Variants in EXOC4 observed in about 807,000 individuals in gnomAD.
EXOC4 encodes the protein exocyst complex component 4.
EXOC4 carries 71 observed loss-of-function variants against 107.2 expected under a neutral mutation model. The observed-to-expected ratio is 0.66, with a 90% CI of 0.55 to 0.81. EXOC4 has a LOEUF of 0.81. EXOC4 is among the 30% of genes least tolerant of loss of function. The pLI, the probability that EXOC4 is intolerant of heterozygous loss-of-function variation, is 0.00. For synonymous variants in EXOC4, 456 were observed against 441.2 expected, an observed-to-expected ratio of 1.03 and a Z score of -0.42; for missense variants, 1,108 against 1,189.6, an observed-to-expected ratio of 0.93 and a Z score of 1.01.
chr7:133,383,412 C>G lies in EXOC4; in HGVS notation c.1182+8410C>G, dbSNP rs544554449. 2.0e-5 allele frequency among the ~76,000 whole-genome samples: 3 copies of G among 152,290 alleles called. No individual in the cohort carries two copies. The South Asian group carries it at 6.2e-4, about 32-fold the overall frequency. On this transcript the variant is annotated intron_variant, in intron 7 of 17. Coordinates refer to ENST00000253861, the MANE Select transcript of EXOC4 (RefSeq NM_021807.4). ...TTATACTGTTTACCACTAGCAGTGA[C>G]ACCTAGAACAAGTCACTTTACTTTT...
chr7:133,476,644 GA>G (rs1799020568), intron 8 of EXOC4, among the ~76,000 whole-genome samples: 1 of 152,190 alleles, frequency 6.6e-6, no homozygotes, highest in Non-Finnish European at 1.5e-5. Flanking sequence ...TGCCAGAAAT[GA>G]AATCTATTCT....
At chr7:133,642,955 C>A (rs1802895882) in intron 10 of EXOC4, among the ~76,000 whole-genome samples, 1 of 152,178 alleles carries the variant, frequency 6.6e-6, no homozygotes, top group South Asian at 2.1e-4. Context: ...GCGCATGTAT[C>A]CCCTTTTCTT....
chr7:133,825,982 T>G (rs1797693605), intron 11 of EXOC4, among the ~76,000 whole-genome samples: 2 of 152,226 alleles, frequency 1.3e-5, no homozygotes, highest in Admixed American at 6.5e-5. Context: ...AACTTATCAC[T>G]CATAGTTTTG....
intron 5 of EXOC4, among the ~76,000 whole-genome samples, chr7:133,318,486 C>T (rs1014755148): frequency 7.2e-5 from 11 of 152,158 alleles, no homozygotes; most frequent in Admixed American, 2.0e-4. Flanking sequence ...CTTCTTGTGG[C>T]AGCCAAAATC....
At chr7:134,002,361 C>T (rs1794549116) in intron 15 of EXOC4, among the ~76,000 whole-genome samples, 1 of 152,090 alleles carries the variant, frequency 6.6e-6, no homozygotes, top group African/African-American at 2.4e-5. Context: ...AAATCTAAAA[C>T]TCTAAAACTT....
At chr7:133,789,429 T>A (rs1796658170) in intron 10 of EXOC4, among the ~76,000 whole-genome samples, 2 of 152,226 alleles carry the variant, frequency 1.3e-5, no homozygotes, top group African/African-American at 4.8e-5. Flanking sequence ...TTGCTTTCGA[T>A]GACTTGTGCA....
chr7:133,535,532 A>G (rs1318877710), intron 9 of EXOC4, among the ~76,000 whole-genome samples: 1 of 152,208 alleles, frequency 6.6e-6, no homozygotes, highest in Admixed American at 6.5e-5. Flanking sequence ...CAAGGATGGC[A>G]TCACAGTGTC....
intron 14 of EXOC4, among the ~76,000 whole-genome samples, chr7:133,988,365 T>G (rs1278080170): frequency 1.3e-5 from 2 of 152,238 alleles, no homozygotes; most frequent in African/African-American, 2.4e-5. Flanking sequence ...GGCAAGTTGC[T>G]CCTTCTTTTT....
At chr7:133,596,740 C>T (rs1341977160) in intron 9 of EXOC4, among the ~76,000 whole-genome samples, 3 of 152,154 alleles carry the variant, frequency 2.0e-5, no homozygotes, top group Middle Eastern at 3.2e-3. Context: ...TGCCCAGCAT[C>T]ATAGCTCTCA....
In EXOC4 at chr7:133,871,158, T is replaced by G. The variant is rs536018314; in HGVS notation, c.1735-24441T>G. Among the ~76,000 whole-genome samples the G allele has an allele frequency of 2.0e-4, 31 of 152,322 alleles. No individual in the cohort carries two copies. In the South Asian group the frequency reaches 6.2e-3, roughly 31 times the overall value. On this transcript the variant is annotated intron_variant, in intron 11 of 17. Transcript: ENST00000253861. ...ATCTATGTTCTTCAGGGTATCTGCATGCATCTATTGTTGCTGATAGCAGAG... is the reference window on the plus strand; with the variant it reads ...ATCTATGTTCTTCAGGGTATCTGCAGGCATCTATTGTTGCTGATAGCAGAG...
At chr7:133,668,758 A>G (rs1208273317) in intron 10 of EXOC4, among the ~76,000 whole-genome samples, 1 of 152,152 alleles carries the variant, frequency 6.6e-6, no homozygotes, top group Non-Finnish European at 1.5e-5. Flanking sequence ...TGTTTTGAGA[A>G]TGAGAACATC....
At chr7:133,326,986 T>C (rs995791989) in intron 5 of EXOC4, among the ~76,000 whole-genome samples, 5 of 152,196 alleles carry the variant, frequency 3.3e-5, no homozygotes, top group African/African-American at 7.2e-5. Flanking sequence ...TGAGGCTCCA[T>C]GGGCGTGGGA....
intron 14 of EXOC4, among the ~76,000 whole-genome samples, chr7:133,958,363 T>C (rs1233187352): frequency 2.0e-5 from 3 of 152,298 alleles, no homozygotes; most frequent in East Asian, 1.9e-4. Flanking sequence ...CATTTATCTC[T>C]GCTAAGAATT....
At chr7:133,596,864 A>G (rs1205294032) in intron 9 of EXOC4, among the ~76,000 whole-genome samples, 1 of 152,152 alleles carries the variant, frequency 6.6e-6, no homozygotes, top group Non-Finnish European at 1.5e-5. Flanking sequence ...CATTAGCCTG[A>G]ATTGTAGACC....
chr7:134,037,543 G>A (rs958349864), intron 17 of EXOC4, among the ~76,000 whole-genome samples: 3 of 152,154 alleles, frequency 2.0e-5, no homozygotes, highest in African/African-American at 7.2e-5. Context: ...CCCTGTGTTA[G>A]GCTTTCCATT....
intron 7 of EXOC4, among the ~76,000 whole-genome samples, chr7:133,396,988 G>A (rs1454879727): frequency 6.6e-6 from 1 of 152,154 alleles, no homozygotes; most frequent in East Asian, 1.9e-4. Flanking sequence ...TACCTTTGCT[G>A]TTTGTCACAA....
chr7:133,626,202 A>T (rs1802450731), intron 9 of EXOC4, among the ~76,000 whole-genome samples: 1 of 148,468 alleles, frequency 6.7e-6, no homozygotes, highest in East Asian at 2.1e-4. Flanking sequence ...GCAAGACTCC[A>T]TCTCCAAAAA....
chr7:133,920,620 A>T (rs1354894216), intron 13 of EXOC4, among the ~76,000 whole-genome samples: 2 of 152,326 alleles, frequency 1.3e-5, no homozygotes, highest in Non-Finnish European at 2.9e-5. Flanking sequence ...CATTGCTGTC[A>T]TTGATTTCAT....
chr7:133,334,892 A>C (rs1795476492), intron 5 of EXOC4, among the ~76,000 whole-genome samples: 1 of 152,204 alleles, frequency 6.6e-6, no homozygotes, highest in African/African-American at 2.4e-5. Flanking sequence ...GTCCCTGCAA[A>C]AGGACATGAT....
Sources: gnomAD v4.1 joint callset for allele counts (sites outside exome capture counted in the v4.1 genomes callset) on GRCh38, gnomAD v4.1.1 for gene constraint, MANE v1.5 for transcripts, NCBI Gene and HGNC (gene_info 2026-07-23, HGNC 2026-07-21) for gene names.